PLAT: variants seen among roughly 807,000 people sequenced by gnomAD.
PLAT encodes the protein plasminogen activator, tissue type, also known as tissue-type plasminogen activator.
A neutral mutation model predicts 74.9 loss-of-function variants in PLAT; 48 were observed. That is an observed-to-expected ratio of 0.64 (90% confidence interval 0.51 to 0.82). The LOEUF (loss-of-function observed/expected upper bound fraction) is 0.82, where lower values mean the gene tolerates loss of function less well. PLAT is among the 40% of genes least tolerant of loss of function. The pLI, the probability that PLAT is intolerant of heterozygous loss-of-function variation, is 0.00. For missense variants in PLAT, 673 were observed against 736.2 expected (o/e 0.91, Z 0.99); for synonymous variants, 307 against 294.4 (o/e 1.04, Z -0.44).
intron 8 of PLAT, chr8:42,182,451 T>C (rs535602338): frequency 4.3e-5 from 13 of 302,182 alleles, no homozygotes; most frequent in African/African-American, 2.4e-4. Flanking sequence ...TACAAATCAT[T>C]GCAATAAAGA....
At chr8:42,194,777 A>C (rs1805840545) in intron 1 of PLAT, among the ~76,000 whole-genome samples, 2 of 139,836 alleles carry the variant, frequency 1.4e-5, no homozygotes, top group Non-Finnish European at 1.6e-5. Context: ...AGGCCCCCCA[A>C]CCCAACCTCC....
chr8:42,200,977 G>A (rs1464129136), intron 1 of PLAT, among the ~76,000 whole-genome samples: 4 of 152,100 alleles, frequency 2.6e-5, no homozygotes, highest in Non-Finnish European at 5.9e-5. Flanking sequence ...TTACAAGTGT[G>A]TGCCACCATG....
At chr8:42,180,789 C>T in intron 9 of PLAT, 104 bp from the exon 10 acceptor site, 1 of 761,428 alleles carries the variant, frequency 1.3e-6, no homozygotes, top group South Asian at 1.8e-5. Context: ...ACAACTTTCA[C>T]TTGGTGGGAT....
At chr8:42,196,518 G>A (rs879181230) in intron 1 of PLAT, among the ~76,000 whole-genome samples, 10 of 152,234 alleles carry the variant, frequency 6.6e-5, no homozygotes, top group Admixed American at 3.9e-4. Context: ...AAGAAAGAGC[G>A]AAGAGAGGGA....
At chr8:42,191,313 C>G in intron 3 of PLAT, 59 bp downstream of exon 3, 3 of 1,452,620 alleles carry the variant, frequency 2.1e-6, no homozygotes, top group Non-Finnish European at 9.7e-7. Context: ...GTGATGCACC[C>G]TGCACCCCGC....
intron 1 of PLAT, among the ~76,000 whole-genome samples, chr8:42,201,050 G>A (rs997503117): frequency 1.5e-4 from 23 of 152,140 alleles, no homozygotes; most frequent in South Asian, 2.1e-4. Context: ...GGCTGGTCTC[G>A]AACTCCCAAC....
chr8:42,207,434 G>A (rs568591500), intron 1 of PLAT, 60 bp downstream of exon 1: 1 of 152,396 alleles, frequency 6.6e-6, no homozygotes, highest in East Asian at 1.9e-4. Context: ...TCAGCTTGCT[G>A]GAAAGACTTT....
At position 42,187,475 on chromosome 8, in the gene PLAT, G is replaced by T; in HGVS notation, c.462C>A (p.Ser154Arg). Residue 154 changes from serine to arginine, a missense_variant, in exon 6 of 14, where the codon AGC (serine) becomes AGA (arginine). Physicochemically the swap from Ser to Arg is moderately radical, Grantham distance 110. Transcript: ENST00000220809. The stretch of plus-strand genomic sequence containing the variant: ...CGCTGTAGGGCTTCTGGGCCAACGC[G>T]CTGCTGTTCCAGTTGGTGCACTCGG... ...SGAECTNWNS[S>R]ALAQKPYSGR... is the part of the protein sequence containing the mutation. 3 of 1,609,342 alleles carry T rather than the reference G, an allele frequency of 1.9e-6. No homozygotes were observed. Among genetic ancestry groups the T allele is most frequent in the Non-Finnish European group, 2.5e-6 (3 of 1,179,790 alleles).
chr8:42,200,720 A>G (rs937676374), intron 1 of PLAT, among the ~76,000 whole-genome samples: 4 of 151,026 alleles, frequency 2.6e-5, no homozygotes, highest in Non-Finnish European at 5.9e-5. Context: ...GTACGGTGAC[A>G]CATCTTGTGA....
intron 12 of PLAT, among the ~76,000 whole-genome samples, chr8:42,179,475 A>G (rs1416368551): frequency 6.6e-6 from 1 of 152,142 alleles, no homozygotes; most frequent in Non-Finnish European, 1.5e-5. Context: ...CATTCGTTCA[A>G]TATTATCTCA....
rs1587929297 is a variant in PLAT at position 42,180,796 on chromosome 8, G to T, written c.890-111C>A. 1.5e-5 allele frequency: 11 copies of T among 710,780 alleles called. No individual in the cohort carries two copies. In the East Asian group the frequency reaches 3.0e-4, roughly 19 times the overall value. 44.0% of individuals were successfully genotyped at this position (710,780 alleles called of 1,614,324 possible). On this transcript the variant is annotated intron_variant, in intron 9 of 13. Transcript: ENST00000220809. ...GTAAAACCACAACTTTCACTTGGTG[G>T]GATCAGCATGCCGAATGTTGTCCAT...
intron 13 of PLAT, 148 bp from the exon 14 acceptor site, chr8:42,176,299 TGAG>T: frequency 1.5e-6 from 1 of 646,576 alleles, no homozygotes; most frequent in South Asian, 2.1e-5. Context: ...ATAACTTTGA[TGAG>T]GAAAACAAAA....
rs767393072 is a variant in PLAT at position 42,178,931 on chromosome 8, C to T, written c.1496G>A (p.Gly499Asp). The T allele has an allele frequency of 6.2e-6, 10 of 1,613,768 alleles. No homozygotes were observed. The highest frequency in any genetic ancestry group is 2.2e-5 in the East Asian group (1 of 44,886). Residue 499 changes from glycine (G) to aspartate (D), a missense_variant, in exon 13 of 14, where the codon GGC (glycine) becomes GAC (aspartate). By Grantham distance (94) the Gly-to-Asp change is moderately conservative (BLOSUM62 -1). Coordinates refer to ENST00000220809, the MANE Select transcript of PLAT (RefSeq NM_000930.5). ...NMLCAGDTRS[G>D]GPQANLHDAC... The stretch of plus-strand genomic sequence containing the variant: ...GTCGTGCAAGTTTGCCTGGGGCCCG[C>T]CGCTCCGAGTGTCTCCAGCACACAG...
chr8:42,176,006 T>G lies in PLAT; in HGVS notation c.1676A>C (p.Asn559Thr). The change falls in exon 14 of 14, where the codon AAC (asparagine) becomes ACC (threonine). Residue 559 changes from asparagine to threonine, a missense_variant. Coordinates refer to ENST00000220809, the MANE Select transcript of PLAT (RefSeq NM_000930.5). Reference protein sequence around the residue: ...VTNYLDWIRDNMRP With the variant: ...VTNYLDWIRDTMRP ...GGGTGTTCCTGGTCACGGTCGCATGTTGTCACGAATCCAGTCTAGGTAGTT... is the reference window on the plus strand; with the variant it reads ...GGGTGTTCCTGGTCACGGTCGCATGGTGTCACGAATCCAGTCTAGGTAGTT... 6.2e-7 allele frequency: 1 copy of G among 1,614,148 alleles called. No individual in the cohort carries two copies. The highest frequency in any genetic ancestry group is 8.5e-7 in the Non-Finnish European group (1 of 1,179,994).
At chr8:42,189,315 C>T (rs1312288736) in intron 3 of PLAT, among the ~76,000 whole-genome samples, 3 of 151,828 alleles carry the variant, frequency 2.0e-5, no homozygotes, top group Non-Finnish European at 2.9e-5. Context: ...CTCAGGAGTT[C>T]GAGACCAGCC....
At position 42,178,955 on chromosome 8, in the gene PLAT, A is replaced by G. The variant is rs1805091177; in HGVS notation, c.1472T>C (p.Leu491Pro). 6.2e-7 allele frequency: 1 copy of G among 1,614,154 alleles called. No individual in the cohort carries two copies. Among genetic ancestry groups the G allele is most frequent in the Non-Finnish European group, 8.5e-7 (1 of 1,180,026 alleles). Residue 491 changes from leucine to proline, a missense_variant, in exon 13 of 14, where the codon CTG becomes CCG. Transcript: ENST00000220809. ...LLNRTVTDNM[L>P]CAGDTRSGGP... is the part of the protein sequence containing the mutation. ...GCCGCTCCGAGTGTCTCCAGCACAC[A>G]GCATGTTGTCGGTGACTGTTCTGTT...
chr8:42,194,789 C>G (rs901764868), intron 1 of PLAT, among the ~76,000 whole-genome samples: 2 of 97,594 alleles, frequency 2.0e-5, no homozygotes, highest in Non-Finnish European at 4.8e-5. Flanking sequence ...CCAACCTCCA[C>G]GCCCACCCCC....
chr8:42,182,182 C>T lies in PLAT; in HGVS notation c.804-160G>A, dbSNP rs560726913. Among the ~76,000 whole-genome samples, 11 of 151,716 alleles carry T rather than the reference C, an allele frequency of 7.3e-5. No individual in the cohort carries two copies. The East Asian group carries it at 2.2e-3, about 30-fold the overall frequency. On this transcript the variant is annotated intron_variant, in intron 8 of 13. Coordinates refer to ENST00000220809, the MANE Select transcript of PLAT (RefSeq NM_000930.5). ...AAAGTGCTGGGATTACAGGCATGCA[C>T]CACCACACCAGGCCAGGAGTTTAAG...
At chr8:42,199,900 C>T (rs993079271) in intron 1 of PLAT, among the ~76,000 whole-genome samples, 2 of 152,212 alleles carry the variant, frequency 1.3e-5, no homozygotes, top group African/African-American at 4.8e-5. Flanking sequence ...CCTCATGTTC[C>T]TTCCACTCCC....
Sources: gnomAD v4.1 joint callset for allele counts (sites outside exome capture counted in the v4.1 genomes callset) on GRCh38, gnomAD v4.1.1 for gene constraint, MANE v1.5 for transcripts, NCBI Gene and HGNC (gene_info 2026-07-23, HGNC 2026-07-21) for gene names.